Variants in COQ8A observed in about 807,000 individuals in gnomAD.
The protein encoded by COQ8A is atypical kinase COQ8A, mitochondrial.
In COQ8A, 51 loss-of-function variants were observed where a neutral mutation model predicts 65.0. The observed-to-expected ratio is 0.78, with a 90% CI of 0.63 to 0.99. COQ8A has a LOEUF of 0.99. COQ8A is among the 50% of genes least tolerant of loss of function. COQ8A has a pLI of 0.00. For synonymous variants in COQ8A, 371 were observed against 353.2 expected (o/e 1.05, Z -0.57); for missense variants, 940 against 875.0 (o/e 1.07, Z -0.94).
chr1:226,954,310 G>C (rs560692417), intron 1 of COQ8A, among the ~76,000 whole-genome samples: 17 of 152,368 alleles, frequency 1.1e-4, no homozygotes, highest in Non-Finnish European at 5.9e-5. Context: ...GAGGGTTTCA[G>C]GGGGAGACTC....
chr1:226,960,414 G>GTGGTACTTGGTGGTGA, intron 1 of COQ8A, among the ~76,000 whole-genome samples: 1 of 151,656 alleles, frequency 6.6e-6, no homozygotes, highest in African/African-American at 2.4e-5. Context: ...GGTGGTGGCG[G>GTGGTACTTGGTGGTGA]TGGTACTTGG....
chr1:226,942,906 T>C (rs955282908), intron 1 of COQ8A, among the ~76,000 whole-genome samples: 3 of 152,214 alleles, frequency 2.0e-5, no homozygotes, highest in African/African-American at 7.2e-5. Flanking sequence ...ATCCAGAATT[T>C]ATGCCCCAAA....
In COQ8A at chr1:226,983,787, G is replaced by A. The variant is rs777934964; in HGVS notation, c.1189G>A (p.Val397Met). 2.0e-5 allele frequency: 33 copies of A among 1,612,988 alleles called. No homozygotes were observed. Among genetic ancestry groups the A allele is most frequent in the Middle Eastern group, 3.4e-4 (2 of 5,960 alleles). The change falls in exon 10 of 15, where the codon GTG becomes ATG. Residue 397 changes from valine to methionine, a missense_variant. Physicochemically the swap from Val to Met is conservative, Grantham distance 21 (BLOSUM62 1). Transcript: ENST00000366777. Reference protein sequence around the residue: ...EGLFPEHLIDVLRRELALECD... With the variant: ...EGLFPEHLIDMLRRELALECD... ...CCTGTTCCCCGAGCACCTGATCGAC[G>A]TGCTGAGGCGGGAGCTGGCCCTGGA...
Position 226,977,502 on chromosome 1 carries a change from C to T in COQ8A, c.709C>T (p.Leu237=), listed in dbSNP as rs1250978171. 1 of 1,565,040 alleles carries T rather than the reference C, an allele frequency of 6.4e-7. No homozygotes were observed. Among genetic ancestry groups the T allele is most frequent in the Non-Finnish European group, 8.7e-7 (1 of 1,154,800 alleles). ...ACTGGCAGAGGTCGCCAAGAAGAGC[C>T]TGCGCTCCGAGGACCCCTCAGGTGA... ...GALAEVAKKS[L]RSEDPSGKKA... is the part of the protein sequence containing the mutation. Residue 237 remains leucine (L), a synonymous_variant, in exon 5 of 15, where the codon CTG becomes TTG. Transcript: ENST00000366777.
intron 1 of COQ8A, among the ~76,000 whole-genome samples, chr1:226,960,486 TGGTG>T (rs1658163551): frequency 2.0e-4 from 1 of 4,948 alleles, no homozygotes; most frequent in Non-Finnish European, 4.7e-4. Context: ...CAGTGGTACT[TGGTG>T]GTGGTGGTGG....
intron 8 of COQ8A, 154 bp downstream of exon 8, chr1:226,983,188 C>T (rs1017435161): frequency 3.2e-5 from 38 of 1,183,458 alleles, no homozygotes; most frequent in Middle Eastern, 2.9e-4. Context: ...AGTGCCTGGA[C>T]GGCACCAGAA....
At chr1:226,977,329 G>A (rs1234972290) in intron 4 of COQ8A, 120 bp from the exon 5 acceptor site, 4 of 862,428 alleles carry the variant, frequency 4.6e-6, no homozygotes. Context: ...TGCTGGTGTG[G>A]CAGCGAGGGC....
In COQ8A at chr1:226,986,483, C is replaced by T; in HGVS notation, c.1690C>T (p.Leu564Phe). 2.5e-6 allele frequency: 4 copies of T among 1,613,418 alleles called. No individual in the cohort carries two copies. Among genetic ancestry groups the T allele is most frequent in the Non-Finnish European group, 3.4e-6 (4 of 1,180,024 alleles). Residue 564 changes from leucine (L) to phenylalanine (F), a missense_variant, in exon 15 of 15, where the codon CTC (leucine) becomes TTC (phenylalanine). Leu to Phe is a conservative substitution (Grantham distance 22). Transcript: ENST00000366777. ...GGAAGACGCCCACTTGGATGCCATC[C>T]TCATCCTGGGGGAGGCCTTCGCCTC... ...VMEDAHLDAILILGEAFASDE... is the reference protein window; with the variant it reads ...VMEDAHLDAIFILGEAFASDE...
At chr1:226,942,332 G>A (rs1247211994) in intron 1 of COQ8A, among the ~76,000 whole-genome samples, 1 of 151,918 alleles carries the variant, frequency 6.6e-6, no homozygotes, top group Non-Finnish European at 1.5e-5. Context: ...GGAGGGCAGA[G>A]GCAAAACCTG....
At chr1:226,973,565 G>C (rs1421664658) in intron 4 of COQ8A, among the ~76,000 whole-genome samples, 1 of 152,214 alleles carries the variant, frequency 6.6e-6, no homozygotes, top group Non-Finnish European at 1.5e-5. Context: ...CAGAGGGACA[G>C]ATCCTGAGAA....
chr1:226,982,494 C>T, intron 6 of COQ8A, 184 bp from the exon 7 acceptor site: 3 of 729,748 alleles, frequency 4.1e-6, no homozygotes, highest in Middle Eastern at 3.7e-4. Context: ...TGGGCGGAGG[C>T]TGGGGCTCCC....
chr1:226,961,317 A>G, intron 1 of COQ8A, 60 bp from the exon 2 acceptor site: 2 of 1,563,588 alleles, frequency 1.3e-6, no homozygotes, highest in Non-Finnish European at 1.8e-6. Context: ...TGGAGTTGGT[A>G]GTGTGGGTTT....
At chr1:226,985,064 C>T (rs1335128480) in intron 13 of COQ8A, 123 bp downstream of exon 13, 16 of 1,359,602 alleles carry the variant, frequency 1.2e-5, no homozygotes, top group Non-Finnish European at 1.7e-5. Flanking sequence ...GCGCTGCCTG[C>T]CCCTCAGGTC....
In COQ8A at chr1:226,986,584, C is replaced by T; in HGVS notation, c.1791C>T (p.His597=). The T allele has an allele frequency of 6.2e-7, 1 of 1,613,982 alleles. No homozygotes were observed. The highest frequency in any genetic ancestry group is 8.5e-7 in the Non-Finnish European group (1 of 1,179,992). The change falls in exon 15 of 15, where the codon CAC becomes CAT. Residue 597 remains histidine, a synonymous_variant. Transcript: ENST00000366777. ...ACCTGATTCCCGTCATGCTGAGGCA[C>T]CGTCTCGTCCCCCCACCCGAGGAAA... The part of the protein sequence containing the change: ...IHNLIPVMLR[H]RLVPPPEETY...
intron 4 of COQ8A, among the ~76,000 whole-genome samples, chr1:226,968,394 C>G (rs1003821683): frequency 2.6e-5 from 4 of 152,122 alleles, no homozygotes; most frequent in African/African-American, 4.8e-5. Flanking sequence ...TATCGTACAT[C>G]CTTACAATGA....
rs1348468241 is a variant in COQ8A at position 226,977,438 on chromosome 1, C to T, written c.656-11C>T. On this transcript the variant is annotated splice_polypyrimidine_tract_variant and intron_variant, in intron 4 of 14. Coordinates refer to ENST00000366777, the MANE Select transcript of COQ8A (RefSeq NM_020247.5). ...CGTGAGCACTGAGTGCCCGCCCCCT[C>T]CTCCTTGCAGGTCTGGCCGTGGGCC... is the stretch of plus-strand genomic sequence containing the variant. 5 of 1,556,936 alleles carry T rather than the reference C, an allele frequency of 3.2e-6. No homozygotes were observed. Among genetic ancestry groups the T allele is most frequent in the Non-Finnish European group, 4.3e-6 (5 of 1,150,612 alleles).
In COQ8A at chr1:226,965,115, C is replaced by T; in HGVS notation, c.293C>T (p.Ala98Val). 6.2e-7 allele frequency: 1 copy of T among 1,614,002 alleles called. No individual in the cohort carries two copies. The highest frequency in any genetic ancestry group is 8.5e-7 in the Non-Finnish European group (1 of 1,180,052). Residue 98 changes from alanine to valine, a missense_variant, in exon 3 of 15, where the codon GCT (alanine) becomes GTT (valine). Physicochemically the swap from Ala to Val is moderately conservative, Grantham distance 64. Transcript: ENST00000366777. Reference protein sequence around the residue: ...GASTDFSSASAPDQSAPPSLG... With the variant: ...GASTDFSSASVPDQSAPPSLG... ...TCCACAGACTTCTCTTCAGCCTCCG[C>T]TCCCGACCAGTCAGCGCCCCCATCC...
chr1:226,947,407 A>G (rs1280674306), intron 1 of COQ8A, among the ~76,000 whole-genome samples: 1 of 152,224 alleles, frequency 6.6e-6, no homozygotes, highest in Non-Finnish European at 1.5e-5. Context: ...GGTAATATAA[A>G]GTGACAGGCA....
At chr1:226,983,881 G>C (rs750675370) in intron 10 of COQ8A, 27 bp downstream of exon 10, 23 of 1,580,498 alleles carry the variant, frequency 1.5e-5, no homozygotes, top group Non-Finnish European at 2.0e-5. Context: ...GGCCCCTTGC[G>C]TGTTTGCACC....
Sources: gnomAD v4.1 joint callset for allele counts (sites outside exome capture counted in the v4.1 genomes callset) on GRCh38, gnomAD v4.1.1 for gene constraint, MANE v1.5 for transcripts, NCBI Gene and HGNC (gene_info 2026-07-23, HGNC 2026-07-21) for gene names.